Variants in DCDC1 observed in about 807,000 individuals in gnomAD.
The protein encoded by DCDC1 is doublecortin domain containing 1, also known as doublecortin domain-containing protein 1.
Under a neutral mutation model 178.3 loss-of-function variants are expected in DCDC1, and 200 were observed. The observed-to-expected ratio is 1.12, with a 90% CI of 1.00 to 1.26. DCDC1 has a LOEUF of 1.26. Ranked by LOEUF, DCDC1 falls within the 50% of genes most tolerant of loss-of-function variation. DCDC1 has a pLI of 0.00. For missense variants in DCDC1, 1,983 were observed against 1,749.2 expected, an observed-to-expected ratio of 1.13 and a Z score of -2.38; for synonymous variants, 690 against 604.8, an observed-to-expected ratio of 1.14 and a Z score of -2.07.
intron 20 of DCDC1, among the ~76,000 whole-genome samples, chr11:30,994,539 A>ATATATGTATATG (rs1211117074): frequency 2.6e-4 from 38 of 148,092 alleles, no homozygotes; most frequent in African/African-American, 9.4e-4. Flanking sequence ...TTATATATAT[A>ATATATGTATATG]TATATGTATA....
rs115081619 is a variant in DCDC1, at chr11:31,180,937, C to T, written c.1222-43153G>A. Among the ~76,000 whole-genome samples, 1,270 of 152,206 alleles carry T rather than the reference C, an allele frequency of 8.3e-3. 16 individuals are homozygous for T. The highest frequency in any genetic ancestry group is 0.029 in the African/African-American group (1,209 of 41,536). ...TCTAGCTCAGCAGATCCCACCGCCA[C>T]GGAGCCCAGCAAGCTAAGATCCACT... On this transcript the variant is annotated intron_variant, in intron 9 of 38. Transcript: ENST00000684477.
chr11:31,025,102 G>A (rs1953135952), intron 20 of DCDC1, among the ~76,000 whole-genome samples: 1 of 151,722 alleles, frequency 6.6e-6, no homozygotes, highest in Non-Finnish European at 1.5e-5. Context: ...AAGTATCTGA[G>A]AATTAACATG....
At chr11:31,234,804 G>C (rs963461906) in intron 9 of DCDC1, among the ~76,000 whole-genome samples, 7 of 152,132 alleles carry the variant, frequency 4.6e-5, no homozygotes, top group Non-Finnish European at 1.0e-4. Flanking sequence ...ACCAGCTGAA[G>C]ACTCAGCATG....
intron 20 of DCDC1, among the ~76,000 whole-genome samples, chr11:30,953,390 A>C (rs936857644): frequency 1.3e-5 from 2 of 151,064 alleles, no homozygotes; most frequent in Non-Finnish European, 3.0e-5. Context: ...AAATGTGATC[A>C]GTAGTTATTT....
chr11:31,016,935 A>C (rs1952515090), intron 20 of DCDC1, among the ~76,000 whole-genome samples: 1 of 152,164 alleles, frequency 6.6e-6, no homozygotes, highest in Non-Finnish European at 1.5e-5. Context: ...AATAATTGGA[A>C]ATGAACCCGA....
chr11:31,344,977 C>T (rs1950740412), intron 1 of DCDC1, among the ~76,000 whole-genome samples: 1 of 152,084 alleles, frequency 6.6e-6, no homozygotes, highest in Admixed American at 6.5e-5. Flanking sequence ...GCATGCTCTC[C>T]CCAACCTATA....
intron 20 of DCDC1, among the ~76,000 whole-genome samples, chr11:31,017,840 A>G (rs986460609): frequency 6.6e-6 from 1 of 152,186 alleles, no homozygotes; most frequent in Non-Finnish European, 1.5e-5. Context: ...TGGTCCTCCC[A>G]CATTGGCCTC....
intron 18 of DCDC1, among the ~76,000 whole-genome samples, chr11:31,070,325 A>C (rs1956479063): frequency 1.3e-5 from 2 of 152,154 alleles, no homozygotes; most frequent in African/African-American, 4.8e-5. Context: ...TTCTCCTTTC[A>C]ACTTTTCTTC....
At position 30,894,880 on chromosome 11, in the gene DCDC1, C is replaced by T. The variant is rs1228216299; in HGVS notation, c.4766-496G>A. On this transcript the variant is annotated intron_variant, in intron 34 of 38. Coordinates refer to ENST00000684477, the MANE Select transcript of DCDC1 (RefSeq NM_001387274.1). ...TCTATCTAATAATACCCTGCGAGCA[C>T]GATTAGTTTCTGACACCTCTGCTGT... Among the ~76,000 whole-genome samples, 7 of 152,114 alleles carry T rather than the reference C, an allele frequency of 4.6e-5. No homozygotes were observed. The East Asian group carries it at 7.7e-4, about 17-fold the overall frequency.
intron 9 of DCDC1, among the ~76,000 whole-genome samples, chr11:31,140,112 G>A (rs1963633533): frequency 6.6e-6 from 1 of 152,066 alleles, no homozygotes; most frequent in African/African-American, 2.4e-5. Flanking sequence ...TGGTAACAAT[G>A]GTAAGATTCT....
At chr11:31,142,488 ATG>A (rs59196732) in intron 9 of DCDC1, among the ~76,000 whole-genome samples, 89,115 of 150,284 alleles carry the variant, frequency 0.59, 26,610 homozygotes, top group East Asian at 0.92. Flanking sequence ...GTGTGTGTGT[ATG>A]TGTGTGTGTG....
In DCDC1 at chr11:31,335,578, T is replaced by A. The variant is rs1000031855; in HGVS notation, c.-124-14A>T. 1 of 152,224 alleles carries A rather than the reference T, an allele frequency of 6.6e-6. No individual in the cohort carries two copies. Among genetic ancestry groups the A allele is most frequent in the African/African-American group, 2.4e-5 (1 of 41,452 alleles). 9.4% of individuals were successfully genotyped at this position (152,224 alleles called of 1,614,324 possible). ...CTTATTTGCAATCTGGAAAATAGAG[T>A]AACACACACAGACAATCTAATTTTA... On this transcript the variant is annotated splice_polypyrimidine_tract_variant and intron_variant, in intron 1 of 38. Transcript: ENST00000684477.
intron 20 of DCDC1, among the ~76,000 whole-genome samples, chr11:30,963,797 A>G (rs933463749): frequency 3.9e-5 from 6 of 152,116 alleles, no homozygotes; most frequent in African/African-American, 1.4e-4. Context: ...AGCTTAACAC[A>G]CTTTCTAGTA....
intron 21 of DCDC1, among the ~76,000 whole-genome samples, chr11:30,936,975 C>T (rs2134356578): frequency 6.6e-6 from 1 of 152,222 alleles, no homozygotes; most frequent in East Asian, 1.9e-4. Context: ...TGATTTTTAA[C>T]CCTCCCCTGT....
intron 20 of DCDC1, among the ~76,000 whole-genome samples, chr11:30,994,902 T>C (rs960692033): frequency 2.0e-5 from 3 of 150,574 alleles, no homozygotes; most frequent in Admixed American, 1.3e-4. Flanking sequence ...CTATTAATCA[T>C]GGTCCCAGAA....
At chr11:31,191,282 T>A (rs1429632644) in intron 9 of DCDC1, among the ~76,000 whole-genome samples, 1 of 152,102 alleles carries the variant, frequency 6.6e-6, no homozygotes, top group South Asian at 2.1e-4. Context: ...AAGCCTACTA[T>A]GTTCATAAAT....
intron 20 of DCDC1, among the ~76,000 whole-genome samples, chr11:30,980,178 C>T (rs1055987009): frequency 2.0e-5 from 3 of 152,150 alleles, no homozygotes; most frequent in Non-Finnish European, 4.4e-5. Flanking sequence ...CCTAGCACAG[C>T]ATCTGGCATA....
rs397849061 is a variant in DCDC1, at chr11:30,990,181, C to CAT, written c.2592-37615_2592-37614dup. Among the ~76,000 whole-genome samples, 259 of 150,940 alleles carry CAT rather than the reference C, an allele frequency of 1.7e-3. 4 individuals carry two copies. In the South Asian group the frequency reaches 0.031, roughly 18 times the overall value. Reference sequence around the variant, plus strand: ...AGTTGGGGTGTCAACTACAGTGGAACATATATATATATATGCAGTTGAGTT... The same window carrying CAT: ...AGTTGGGGTGTCAACTACAGTGGAACATATATATATATATATGCAGTTGAGTT... On this transcript the variant is annotated intron_variant, in intron 20 of 38. Coordinates refer to ENST00000684477, the MANE Select transcript of DCDC1 (RefSeq NM_001387274.1).
intron 20 of DCDC1, among the ~76,000 whole-genome samples, chr11:31,008,300 G>C (rs1951973671): frequency 6.6e-6 from 1 of 152,134 alleles, no homozygotes; most frequent in South Asian, 2.1e-4. Flanking sequence ...TGAGAAGTCT[G>C]AAAGAGATGT....
Sources: gnomAD v4.1 joint callset for allele counts (sites outside exome capture counted in the v4.1 genomes callset) on GRCh38, gnomAD v4.1.1 for gene constraint, MANE v1.5 for transcripts, NCBI Gene and HGNC (gene_info 2026-07-23, HGNC 2026-07-21) for gene names.